Variants in PPP1R9A observed in about 807,000 individuals in gnomAD.
The protein encoded by PPP1R9A is protein phosphatase 1 regulatory subunit 9A, also known as neurabin-1.
In PPP1R9A, 59 loss-of-function variants were observed where a neutral mutation model predicts 141.9. The ratio of observed to expected loss-of-function variants is 0.42; its 90% CI spans 0.34 to 0.52. The LOEUF (loss-of-function observed/expected upper bound fraction) is 0.52. Ranked by LOEUF, PPP1R9A falls within the 20% of genes least tolerant of loss-of-function variation. The pLI is 0.10. For synonymous variants in PPP1R9A, 500 were observed against 569.7 expected (o/e 0.88, Z 1.74); for missense variants, 1,444 against 1,611.9 (o/e 0.90, Z 1.78).
chr7:95,038,169 T>C (rs1309839635), intron 2 of PPP1R9A, among the ~76,000 whole-genome samples: 1 of 151,598 alleles, frequency 6.6e-6, no homozygotes, highest in Non-Finnish European at 1.5e-5. Flanking sequence ...CTGGACAAAC[T>C]GAAAAACTAG....
intron 2 of PPP1R9A, among the ~76,000 whole-genome samples, chr7:94,982,145 G>A (rs946725350): frequency 3.3e-5 from 5 of 152,032 alleles, no homozygotes; most frequent in African/African-American, 1.2e-4. Flanking sequence ...CCCTACAAAG[G>A]ACATGAACTC....
intron 16 of PPP1R9A, among the ~76,000 whole-genome samples, chr7:95,278,873 A>T (rs1018203063): frequency 4.6e-5 from 7 of 152,124 alleles, no homozygotes; most frequent in African/African-American, 1.7e-4. Flanking sequence ...CAGGTTTCTT[A>T]ACCTTTCTGT....
chr7:95,118,544 T>C (rs1239937333), intron 3 of PPP1R9A, among the ~76,000 whole-genome samples: 1 of 152,130 alleles, frequency 6.6e-6, no homozygotes, highest in Non-Finnish European at 1.5e-5. Context: ...AATCACACTT[T>C]TGCCAAGTGA....
At chr7:94,947,146 G>A (rs1176648333) in intron 2 of PPP1R9A, among the ~76,000 whole-genome samples, 1 of 152,110 alleles carries the variant, frequency 6.6e-6, no homozygotes, top group African/African-American at 2.4e-5. Flanking sequence ...CGGCTTGCAG[G>A]CCATGGAGCC....
At chr7:94,992,898 G>A (rs973747441) in intron 2 of PPP1R9A, among the ~76,000 whole-genome samples, 14 of 151,888 alleles carry the variant, frequency 9.2e-5, no homozygotes, top group South Asian at 4.1e-4. Context: ...GTTGAAGTCC[G>A]CTTTAGCAAG....
At chr7:94,963,491 T>C (rs1462990754) in intron 2 of PPP1R9A, among the ~76,000 whole-genome samples, 3 of 152,146 alleles carry the variant, frequency 2.0e-5, no homozygotes, top group South Asian at 2.1e-4. Context: ...GCTAATCATA[T>C]GTTTTTTTCT....
intron 5 of PPP1R9A, among the ~76,000 whole-genome samples, chr7:95,195,725 A>C (rs1354016845): frequency 6.6e-6 from 1 of 152,136 alleles, no homozygotes; most frequent in African/African-American, 2.4e-5. Flanking sequence ...GTATATGTAT[A>C]TTGAACATAC....
At chr7:95,149,200 T>G (rs1477056269) in intron 4 of PPP1R9A, among the ~76,000 whole-genome samples, 2 of 151,902 alleles carry the variant, frequency 1.3e-5, no homozygotes, top group African/African-American at 4.8e-5. Flanking sequence ...AATCATCCAT[T>G]TATGAGAAAA....
chr7:95,283,939 A>T, intron 16 of PPP1R9A, 79 bp from the exon 17 acceptor site: 1 of 1,232,196 alleles, frequency 8.1e-7, no homozygotes, highest in Non-Finnish European at 1.1e-6. Context: ...ACTTCAAACT[A>T]TATTCAGAGT....
At position 95,269,477 on chromosome 7, in the gene PPP1R9A, A is replaced by C; in HGVS notation, c.3094A>C (p.Thr1032Pro). 6.3e-7 allele frequency: 1 copy of C among 1,580,352 alleles called. No individual in the cohort carries two copies. The highest frequency in any genetic ancestry group is 1.7e-5 in the Admixed American group (1 of 58,570). ...GGAAGAATCTCCTTGCCATCACCAA[A>C]CCACCAACAAGAAAATATTACGAGA... Reference protein sequence around the residue: ...DVEESPCHHQTTNKKILREKD... With the variant: ...DVEESPCHHQPTNKKILREKD... The change falls in exon 14 of 20, where the codon ACC becomes CCC. Residue 1032 changes from threonine (T) to proline (P), a missense_variant. Transcript: ENST00000433360.
chr7:95,065,405 CT>C (rs1645771337), intron 2 of PPP1R9A, among the ~76,000 whole-genome samples: 1 of 111,610 alleles, frequency 9.0e-6, no homozygotes, highest in Non-Finnish European at 1.9e-5. Flanking sequence ...AATTTTTCAC[CT>C]TTTTCTAGAT....
chr7:95,109,293 T>TA (rs1396040425), intron 2 of PPP1R9A, among the ~76,000 whole-genome samples: 13 of 152,196 alleles, frequency 8.5e-5, no homozygotes, highest in African/African-American at 3.1e-4. Context: ...AAAAACAAAA[T>TA]AGTTGGTATA....
chr7:95,213,432 T>C (rs1792580391), intron 7 of PPP1R9A, among the ~76,000 whole-genome samples: 1 of 151,108 alleles, frequency 6.6e-6, no homozygotes, highest in South Asian at 2.1e-4. Context: ...GCGTTTCTCA[T>C]GCCTCAGCCT....
rs529803753 is a variant in PPP1R9A, at chr7:94,909,460, TAGAA to T, written c.-216-433_-216-430del. On this transcript the variant is annotated intron_variant, in intron 1 of 19. Coordinates refer to ENST00000433360, the MANE Select transcript of PPP1R9A (RefSeq NM_001166160.2). ...CATAGATTCCAAACTTAATTGTACT[TAGAA>T]AGAATAAGTTCTACCTAATTGTGGA... 3.4e-3 allele frequency among the ~76,000 whole-genome samples: 523 copies of T among 152,314 alleles called. 1 individual carries two copies. Among genetic ancestry groups the T allele is most frequent in the African/African-American group, 0.012 (508 of 41,570 alleles).
chr7:95,236,543 A>G (rs1336623859), intron 8 of PPP1R9A, among the ~76,000 whole-genome samples: 2 of 151,548 alleles, frequency 1.3e-5, no homozygotes, highest in African/African-American at 2.4e-5. Context: ...AATAATTTTT[A>G]AGTATTGAAG....
chr7:95,014,846 A>G (rs113540760), intron 2 of PPP1R9A, among the ~76,000 whole-genome samples: 4 of 152,184 alleles, frequency 2.6e-5, no homozygotes, highest in African/African-American at 9.6e-5. Context: ...TTATATTAGC[A>G]TGAACTCATG....
intron 2 of PPP1R9A, among the ~76,000 whole-genome samples, chr7:95,072,502 A>T (rs540704814): frequency 7.0e-6 from 1 of 143,132 alleles, no homozygotes; most frequent in Non-Finnish European, 1.5e-5. Flanking sequence ...CAGGACTCAT[A>T]AAACTAAGTC....
rs777429080 is a variant in PPP1R9A, at chr7:95,061,295, C to T, written c.1396-49964C>T. 2.6e-5 allele frequency among the ~76,000 whole-genome samples: 4 copies of T among 152,278 alleles called. No homozygotes were observed. In the East Asian group the frequency reaches 7.7e-4, roughly 29 times the overall value. Reference sequence around the variant, plus strand: ...GTTTAAAAATACGTGTATGAGCTAACATCTATAAAAATGTTAAGTGAATAG... The same window carrying T: ...GTTTAAAAATACGTGTATGAGCTAATATCTATAAAAATGTTAAGTGAATAG... On this transcript the variant is annotated intron_variant, in intron 2 of 19. Transcript: ENST00000433360.
intron 2 of PPP1R9A, among the ~76,000 whole-genome samples, chr7:94,994,902 A>AAC (rs1801979542): frequency 6.6e-6 from 1 of 151,740 alleles, no homozygotes; most frequent in African/African-American, 2.4e-5. Context: ...AAAAAAAAAA[A>AAC]CACAAAAAAC....
Sources: allele counts gnomAD v4.1 joint callset (sites outside exome capture counted in the v4.1 genomes callset), GRCh38; gene constraint gnomAD v4.1.1; transcripts MANE v1.5; gene names NCBI Gene and HGNC (gene_info 2026-07-23, HGNC 2026-07-21).